The following CHST10 variants were observed in gnomAD, a reference collection of about 807,000 sequenced individuals.
The protein encoded by CHST10 is HNK-1 sulfotransferase.
Under a neutral mutation model 34.7 loss-of-function variants are expected in CHST10, and 24 were observed. The ratio of observed to expected loss-of-function variants is 0.69; its 90% CI spans 0.50 to 0.97. CHST10 has a LOEUF of 0.97. Ranked by LOEUF, CHST10 falls within the 50% of genes least tolerant of loss-of-function variation. The probability of loss-of-function intolerance (pLI) is 0.00; values close to 1 mark genes in which losing one functional copy is unlikely to be tolerated. For synonymous variants in CHST10, 161 were observed against 169.3 expected (o/e 0.95, Z 0.38); for missense variants, 402 against 452.1 (o/e 0.89, Z 1.00).
At chr2:100,399,238 G>C (rs1326944616) in intron 4 of CHST10, among the ~76,000 whole-genome samples, 1 of 152,078 alleles carries the variant, frequency 6.6e-6, no homozygotes, top group Middle Eastern at 3.2e-3. Flanking sequence ...CGAGTAGCTG[G>C]GACTATAGGT....
intron 4 of CHST10, among the ~76,000 whole-genome samples, chr2:100,400,353 C>T (rs1324526284): frequency 1.3e-5 from 2 of 152,182 alleles, no homozygotes; most frequent in Non-Finnish European, 2.9e-5. Context: ...GATTCTCCCA[C>T]CTCAGCCTCC....
chr2:100,394,170 A>C (rs1176941466), intron 6 of CHST10, among the ~76,000 whole-genome samples: 1 of 152,188 alleles, frequency 6.6e-6, no homozygotes, highest in Non-Finnish European at 1.5e-5. Flanking sequence ...TCAGGAATAG[A>C]TGGTGCCAGG....
intron 2 of CHST10, among the ~76,000 whole-genome samples, chr2:100,411,934 C>G (rs983111627): frequency 6.6e-6 from 1 of 152,272 alleles, no homozygotes; most frequent in South Asian, 2.1e-4. Context: ...AGTAACTAAA[C>G]GCAGGCCCAT....
chr2:100,393,898 G>T, intron 6 of CHST10, 116 bp from the exon 7 acceptor site: 1 of 769,960 alleles, frequency 1.3e-6, no homozygotes, highest in Non-Finnish European at 2.1e-6. Flanking sequence ...CTCACGTGCC[G>T]AGGCTGCCAT....
intron 2 of CHST10, among the ~76,000 whole-genome samples, 173 bp from the exon 3 acceptor site, chr2:100,406,880 T>TAATATATTTATATC (rs1209130056): frequency 2.4e-4 from 36 of 152,340 alleles, no homozygotes; most frequent in Admixed American, 9.8e-4. Context: ...ATTGAATTAA[T>TAATATATTTATATC]AATATAAATG....
intron 2 of CHST10, 90 bp downstream of exon 2, chr2:100,414,950 GT>G: frequency 1.2e-6 from 1 of 835,982 alleles, no homozygotes; most frequent in Non-Finnish European, 1.7e-6. Flanking sequence ...CTAATCAAGA[GT>G]TTACAATCTG....
At chr2:100,403,744 G>A (rs144267878) in intron 3 of CHST10, among the ~76,000 whole-genome samples, 60 of 152,284 alleles carry the variant, frequency 3.9e-4, no homozygotes, top group African/African-American at 1.3e-3. Flanking sequence ...GGACACTGCC[G>A]TGTCTGTTAT....
chr2:100,409,228 A>C (rs943286987), intron 2 of CHST10, among the ~76,000 whole-genome samples: 13 of 152,102 alleles, frequency 8.5e-5, no homozygotes, highest in South Asian at 2.1e-4. Flanking sequence ...TTAAGAATCA[A>C]ATCTTTCCAA....
At chr2:100,399,806 C>A (rs563944297) in intron 4 of CHST10, among the ~76,000 whole-genome samples, 2 of 152,286 alleles carry the variant, frequency 1.3e-5, no homozygotes, top group East Asian at 1.9e-4. Context: ...GGAAGAGCAT[C>A]CTGGGGGCTA....
At chr2:100,394,009 T>G (rs925457159) in intron 6 of CHST10, among the ~76,000 whole-genome samples, 1 of 152,178 alleles carries the variant, frequency 6.6e-6, no homozygotes, top group African/African-American at 2.4e-5. Context: ...TGGAAAACCT[T>G]ACCTGTCCAA....
intron 1 of CHST10, chr2:100,415,630 C>G (rs57710676): frequency 0.017 from 2,669 of 152,680 alleles, 26 homozygotes; most frequent in African/African-American, 0.034. Flanking sequence ...AAAGCCCAAG[C>G]TGACTGGGAC....
chr2:100,393,892 C>G lies in CHST10; in HGVS notation c.534-110G>C, dbSNP rs575332005. ...TGCAGCACTGTGTATGGGACCCTCA[C>G]GTGCCGAGGCTGCCATGAATGCATT... On this transcript the variant is annotated intron_variant, in intron 6 of 6. Transcript: ENST00000264249. 6 of 804,696 alleles carry G rather than the reference C, an allele frequency of 7.5e-6. No individual in the cohort carries two copies. In the South Asian group the frequency reaches 1.0e-4, roughly 14 times the overall value. The allele number at this position is 804,696 out of a possible 1,614,324, so 49.8% of individuals were successfully genotyped here.
intron 1 of CHST10, 25 bp from the exon 2 acceptor site, chr2:100,415,136 A>G (rs765781529): frequency 4.0e-6 from 5 of 1,261,280 alleles, no homozygotes; most frequent in Non-Finnish European, 5.2e-6. Flanking sequence ...TAAAAAAAAA[A>G]AAGCATTATT....
chr2:100,406,276 G>C (rs1027153153), intron 3 of CHST10, among the ~76,000 whole-genome samples: 6 of 152,168 alleles, frequency 3.9e-5, no homozygotes, highest in Non-Finnish European at 7.4e-5. Flanking sequence ...AAGGCATAAG[G>C]CCACTGTGCT....
At chr2:100,411,656 G>A (rs1307691946) in intron 2 of CHST10, among the ~76,000 whole-genome samples, 1 of 152,174 alleles carries the variant, frequency 6.6e-6, no homozygotes, top group Non-Finnish European at 1.5e-5. Flanking sequence ...AGTATCCAGT[G>A]TATTCATTCA....
chr2:100,417,161 C>A, intron 1 of CHST10: 1 of 855,090 alleles, frequency 1.2e-6, no homozygotes, highest in Non-Finnish European at 1.7e-6. Flanking sequence ...TCACAGCATC[C>A]CGCACAAGGA....
At chr2:100,410,215 G>A (rs534194616) in intron 2 of CHST10, among the ~76,000 whole-genome samples, 5 of 152,324 alleles carry the variant, frequency 3.3e-5, no homozygotes, top group East Asian at 1.9e-4. Flanking sequence ...AGCTGCTCCC[G>A]GCCACTGGGC....
chr2:100,414,913 C>G (rs866506814), intron 2 of CHST10, 128 bp downstream of exon 2: 2 of 482,628 alleles, frequency 4.1e-6, no homozygotes, highest in Admixed American at 8.5e-5. Flanking sequence ...TTTAAGGAAA[C>G]GTTTCTAAGC....
chr2:100,409,841 T>C (rs1295155948), intron 2 of CHST10, among the ~76,000 whole-genome samples: 3 of 152,226 alleles, frequency 2.0e-5, no homozygotes, highest in African/African-American at 7.2e-5. Flanking sequence ...TAACTTGACT[T>C]CTGCAAACTC....
Sources: gnomAD v4.1 joint callset for allele counts (sites outside exome capture counted in the v4.1 genomes callset) on GRCh38, gnomAD v4.1.1 for gene constraint, MANE v1.5 for transcripts, NCBI Gene and HGNC (gene_info 2026-07-23, HGNC 2026-07-21) for gene names.